NPAS3: variants seen among roughly 807,000 people sequenced by gnomAD.
NPAS3 encodes the protein neuronal PAS domain protein 3.
NPAS3 carries 14 observed loss-of-function variants against 73.1 expected under a neutral mutation model. The ratio of observed to expected loss-of-function variants is 0.19; its 90% CI spans 0.13 to 0.30. The LOEUF is 0.30. Among genes scored for constraint, NPAS3 ranks in the 10% least tolerant of loss-of-function variants. The pLI is 1.00. For synonymous variants in NPAS3, 620 were observed against 541.5 expected, an observed-to-expected ratio of 1.14 and a Z score of -2.01; for missense variants, 1,096 against 1,250.0, an observed-to-expected ratio of 0.88 and a Z score of 1.86.
intron 2 of NPAS3, among the ~76,000 whole-genome samples, chr14:33,070,310 T>C (rs79550422): frequency 6.6e-6 from 1 of 152,224 alleles, no homozygotes; most frequent in Non-Finnish European, 1.5e-5. Flanking sequence ...GTTGTTTTTT[T>C]CATCCCTCTT....
intron 9 of NPAS3, chr14:33,780,546 A>G (rs1410704241): frequency 2.3e-6 from 1 of 426,222 alleles, no homozygotes; most frequent in Non-Finnish European, 4.6e-6. Context: ...CCTGAGGCTG[A>G]CAAAAAAAAA....
chr14:33,738,732 G>A lies in NPAS3; in HGVS notation c.852+3400G>A, dbSNP rs144772523. On this transcript the variant is annotated intron_variant, in intron 7 of 11. Transcript: ENST00000356141. ...TGAAATCCACAGTAGCATGTTATCC[G>A]GACCAGCCACTTTTTATGCCTCAGG... is the stretch of plus-strand genomic sequence containing the variant. Among the ~76,000 whole-genome samples the A allele has an allele frequency of 3.2e-3, 487 of 152,202 alleles. 2 individuals are homozygous for A. Among genetic ancestry groups the A allele is most frequent in the African/African-American group, 0.011 (467 of 41,520 alleles).
At chr14:32,992,459 C>T (rs1187171373) in intron 1 of NPAS3, among the ~76,000 whole-genome samples, 2 of 152,074 alleles carry the variant, frequency 1.3e-5, no homozygotes, top group Admixed American at 6.6e-5. Context: ...CAGGTAGTGT[C>T]TAGACCTGAG....
chr14:33,694,601 CTTTAT>C (rs1371828661), intron 6 of NPAS3, among the ~76,000 whole-genome samples: 1 of 152,064 alleles, frequency 6.6e-6, no homozygotes, highest in Admixed American at 6.6e-5. Flanking sequence ...TCGACCTGCC[CTTTAT>C]TTTTTTACAA....
At chr14:33,314,057 A>C (rs1205693543) in intron 3 of NPAS3, among the ~76,000 whole-genome samples, 1 of 152,054 alleles carries the variant, frequency 6.6e-6, no homozygotes, top group Admixed American at 6.6e-5. Context: ...TTTGGGTTTC[A>C]AGATATTATG....
chr14:33,594,509 C>G (rs946194899), intron 5 of NPAS3, among the ~76,000 whole-genome samples: 1 of 152,158 alleles, frequency 6.6e-6, no homozygotes, highest in Non-Finnish European at 1.5e-5. Context: ...ATGAAAGAGT[C>G]CTGTGCACAA....
intron 6 of NPAS3, among the ~76,000 whole-genome samples, chr14:33,676,738 C>A (rs1296985222): frequency 2.0e-5 from 3 of 152,174 alleles, no homozygotes; most frequent in Admixed American, 2.0e-4. Context: ...TCAGCAAAAT[C>A]TATGGCAGAG....
At chr14:32,938,487 G>GAC (rs879882218), upstream of NPAS3, among the ~76,000 whole-genome samples, 4,294 of 14,212 alleles carry the variant, frequency 0.3, 281 homozygotes, top group Middle Eastern at 0.45. Context: ...GAGAGAAATT[G>GAC]AGAGAGAGAG....
intron 5 of NPAS3, among the ~76,000 whole-genome samples, chr14:33,565,659 A>G (rs80332486): frequency 0.013 from 2,030 of 152,218 alleles, 58 homozygotes; most frequent in African/African-American, 0.046. Context: ...CTTGTAAGTT[A>G]TTATTCTTGT....
intron 3 of NPAS3, among the ~76,000 whole-genome samples, chr14:33,358,204 G>A (rs1265615805): frequency 6.6e-6 from 1 of 152,190 alleles, no homozygotes; most frequent in African/African-American, 2.4e-5. Context: ...ATGCAGGTGT[G>A]CACGTCAGGG....
intron 2 of NPAS3, among the ~76,000 whole-genome samples, chr14:33,159,047 C>T (rs1031232141): frequency 5.3e-5 from 8 of 152,058 alleles, no homozygotes; most frequent in Non-Finnish European, 4.4e-5. Flanking sequence ...CCTGTAATCC[C>T]AACTACTCAG....
At chr14:33,789,629 C>T (rs1189042294) in intron 9 of NPAS3, among the ~76,000 whole-genome samples, 4 of 122,200 alleles carry the variant, frequency 3.3e-5, no homozygotes, top group Middle Eastern at 5.4e-3. Flanking sequence ...CGCTCTGTCG[C>T]CCAGGCTGGA....
At chr14:33,211,360 C>A (rs1474016527) in intron 2 of NPAS3, among the ~76,000 whole-genome samples, 1 of 152,122 alleles carries the variant, frequency 6.6e-6, no homozygotes, top group African/African-American at 2.4e-5. Flanking sequence ...GTGGGCGGAT[C>A]ACTTGAGGTC....
intron 2 of NPAS3, among the ~76,000 whole-genome samples, chr14:33,061,403 A>G (rs980081340): frequency 1.3e-5 from 2 of 152,244 alleles, no homozygotes; most frequent in Non-Finnish European, 2.9e-5. Context: ...CTCTAATGCT[A>G]AACATGTTAA....
intron 5 of NPAS3, among the ~76,000 whole-genome samples, chr14:33,565,421 C>T (rs1314811390): frequency 2.6e-5 from 4 of 152,218 alleles, no homozygotes; most frequent in African/African-American, 9.6e-5. Flanking sequence ...TTAGATTCCC[C>T]TGATAACTTG....
intron 4 of NPAS3, among the ~76,000 whole-genome samples, chr14:33,454,792 CAAG>C (rs1351122098): frequency 6.6e-6 from 1 of 152,098 alleles, no homozygotes; most frequent in African/African-American, 2.4e-5. Flanking sequence ...TCAGAAACTC[CAAG>C]AATAGGTATG....
At chr14:33,706,731 A>G (rs1362550027) in intron 6 of NPAS3, among the ~76,000 whole-genome samples, 1 of 152,138 alleles carries the variant, frequency 6.6e-6, no homozygotes, top group Non-Finnish European at 1.5e-5. Flanking sequence ...ATTATTGTTC[A>G]CCCCATTTCC....
At chr14:33,420,432 G>A (rs552068156) in intron 4 of NPAS3, among the ~76,000 whole-genome samples, 1 of 151,974 alleles carries the variant, frequency 6.6e-6, no homozygotes, top group East Asian at 1.9e-4. Context: ...AATGTCTCCA[G>A]ACTCAGTAAA....
intron 3 of NPAS3, among the ~76,000 whole-genome samples, chr14:33,334,627 G>A (rs761477862): frequency 2.0e-5 from 3 of 152,080 alleles, no homozygotes; most frequent in Admixed American, 6.6e-5. Flanking sequence ...AGTCTGATTC[G>A]AGTCAAAGAT....
Sources: gnomAD v4.1 joint callset for allele counts (sites outside exome capture counted in the v4.1 genomes callset) on GRCh38, gnomAD v4.1.1 for gene constraint, MANE v1.5 for transcripts, NCBI Gene and HGNC (gene_info 2026-07-23, HGNC 2026-07-21) for gene names.